The following NUCB2 variants were observed in gnomAD, a reference collection of about 807,000 sequenced individuals.
The protein encoded by NUCB2 is nucleobindin-2.
In NUCB2, 48 loss-of-function variants were observed where a neutral mutation model predicts 57.9. The observed-to-expected ratio is 0.83, with a 90% CI of 0.66 to 1.05. The LOEUF (loss-of-function observed/expected upper bound fraction) is 1.05. Ranked by LOEUF, NUCB2 falls within the 50% of genes least tolerant of loss-of-function variation. NUCB2 has a pLI of 0.00. For synonymous variants in NUCB2, 139 were observed against 152.1 expected (o/e 0.91, Z 0.64); for missense variants, 442 against 476.2 (o/e 0.93, Z 0.67).
chr11:17,288,878 T>TACACACACAC (rs1944308723), intron 2 of NUCB2, among the ~76,000 whole-genome samples: 1 of 50,918 alleles, frequency 2.0e-5, no homozygotes, highest in African/African-American at 6.5e-5. Context: ...TAATAACATG[T>TACACACACAC]ATATACACAC....
exon 3 of NUCB2, chr11:17,349,383 G>A (rs898577796): frequency 3.3e-5 from 5 of 152,170 alleles, no homozygotes; most frequent in African/African-American, 1.2e-4. Flanking sequence ...GAGGTTTCAC[G>A]AGTCATCAGG....
intron 2 of NUCB2, among the ~76,000 whole-genome samples, chr11:17,290,875 AT>A (rs1331687065): frequency 6.6e-6 from 1 of 151,964 alleles, no homozygotes; most frequent in East Asian, 1.9e-4. Flanking sequence ...ATAAACTTGG[AT>A]TTTTTTGCTC....
At chr11:17,309,543 T>C (rs371307925) in intron 5 of NUCB2, 29 bp from the exon 6 acceptor site, 6 of 1,198,454 alleles carry the variant, frequency 5.0e-6, no homozygotes, top group Non-Finnish European at 7.2e-6. Flanking sequence ...TAGAAATTGA[T>C]CATTTACAGT....
chr11:17,284,595 A>G (rs1038246076), intron 2 of NUCB2, among the ~76,000 whole-genome samples: 1 of 152,230 alleles, frequency 6.6e-6, no homozygotes, highest in Non-Finnish European at 1.5e-5. Flanking sequence ...TTAGATAGGC[A>G]CAAAGTACAG....
At chr11:17,328,240 C>A (rs553070834) in intron 11 of NUCB2, among the ~76,000 whole-genome samples, 3 of 152,334 alleles carry the variant, frequency 2.0e-5, no homozygotes, top group African/African-American at 7.2e-5. Context: ...TTCTTCCAAA[C>A]AAATGGTCTC....
At chr11:17,287,421 C>G (rs879067377) in intron 2 of NUCB2, among the ~76,000 whole-genome samples, 1 of 151,980 alleles carries the variant, frequency 6.6e-6, no homozygotes, top group Non-Finnish European at 1.5e-5. Context: ...CCTGTAATCT[C>G]GGCACTTTGG....
intron 2 of NUCB2, among the ~76,000 whole-genome samples, chr11:17,348,325 T>G (rs1294689221): frequency 0.14 from 5,272 of 37,510 alleles, 351 homozygotes; most frequent in Admixed American, 0.29. Context: ...TTGTGTTTTT[T>G]TTTTTTTTTT....
intron 2 of NUCB2, among the ~76,000 whole-genome samples, chr11:17,287,361 T>C (rs1046379520): frequency 6.6e-6 from 1 of 151,880 alleles, no homozygotes. Context: ...TAGAAGGTGG[T>C]AGATTTAAAA....
At chr11:17,329,444 G>A (rs1357228045) in intron 11 of NUCB2, among the ~76,000 whole-genome samples, 1 of 152,244 alleles carries the variant, frequency 6.6e-6, no homozygotes, top group Non-Finnish European at 1.5e-5. Context: ...GGTGAGGCCT[G>A]CCAGGAAATT....
At chr11:17,348,360 A>T (rs1952939723) in intron 2 of NUCB2, among the ~76,000 whole-genome samples, 2 of 111,214 alleles carry the variant, frequency 1.8e-5, no homozygotes, top group African/African-American at 3.7e-5. Context: ...TTGGAGACAG[A>T]GTCTCACTCT....
At chr11:17,285,601 G>T (rs1943557241) in intron 2 of NUCB2, among the ~76,000 whole-genome samples, 1 of 149,194 alleles carries the variant, frequency 6.7e-6, no homozygotes, top group Non-Finnish European at 1.5e-5. Flanking sequence ...AAAATTAGCT[G>T]GGCGTGGTGG....
chr11:17,278,343 T>C (rs1941807439), intron 1 of NUCB2: 1 of 151,816 alleles, frequency 6.6e-6, no homozygotes, highest in Non-Finnish European at 1.5e-5. Context: ...AGCCAGCTAA[T>C]TTTTTGTATT....
chr11:17,346,799 T>C (rs181201079), intron 2 of NUCB2, among the ~76,000 whole-genome samples: 5 of 152,364 alleles, frequency 3.3e-5, no homozygotes, highest in Admixed American at 2.6e-4. Context: ...TTCTATAAAC[T>C]AATCTGCAAA....
chr11:17,335,659 G>T (rs1951744784), downstream of NUCB2, among the ~76,000 whole-genome samples: 1 of 152,130 alleles, frequency 6.6e-6, no homozygotes, highest in Non-Finnish European at 1.5e-5. Context: ...CTGCCACCGT[G>T]CCTGGCTACT....
At chr11:17,312,234 T>C in intron 10 of NUCB2, 114 bp downstream of exon 10, 1 of 665,064 alleles carries the variant, frequency 1.5e-6, no homozygotes. Flanking sequence ...GTTTGCGTTT[T>C]TGTTTTTGTT....
intron 5 of NUCB2, among the ~76,000 whole-genome samples, chr11:17,303,974 A>T (rs1323981017): frequency 1.3e-5 from 2 of 151,976 alleles, no homozygotes; most frequent in Non-Finnish European, 2.9e-5. Context: ...ACACCAATTC[A>T]TAATTTAAAG....
At chr11:17,347,900 T>TTA (rs1952873445) in intron 2 of NUCB2, among the ~76,000 whole-genome samples, 1 of 152,192 alleles carries the variant, frequency 6.6e-6, no homozygotes. Context: ...TGTTACCTAA[T>TTA]GGTGAGAAGG....
rs768882086 is a variant in NUCB2, at chr11:17,296,136, G to C, written c.177G>C (p.Lys59Asn). Residue 59 changes from lysine to asparagine, a missense_variant, in exon 4 of 14, where the codon AAG becomes AAC. By Grantham distance (94) the Lys-to-Asn change is moderately conservative. Coordinates refer to ENST00000529010, the MANE Select transcript of NUCB2 (RefSeq NM_005013.4). ...GACTTTATTATGATGAATATCTCAA[G>C]CAAGTGATTGATGTGCTGGAAACAG... ...DTGLYYDEYL[K>N]QVIDVLETDK... 7 of 1,610,874 alleles carry C rather than the reference G, an allele frequency of 4.3e-6. No homozygotes were observed. The South Asian group carries it at 7.7e-5, about 18-fold the overall frequency.
chr11:17,288,961 ATATTTTT>A (rs1473614672), intron 2 of NUCB2, among the ~76,000 whole-genome samples: 1 of 56,422 alleles, frequency 1.8e-5, no homozygotes, highest in African/African-American at 9.1e-5. Flanking sequence ...ATATATATAT[ATATTTTT>A]TTTTTTTGAG....
Sources: allele counts gnomAD v4.1 joint callset (sites outside exome capture counted in the v4.1 genomes callset), GRCh38; gene constraint gnomAD v4.1.1; transcripts MANE v1.5; gene names NCBI Gene and HGNC (gene_info 2026-07-23, HGNC 2026-07-21).